The following CCDC149 variants were observed in gnomAD, a reference collection of about 807,000 sequenced individuals.
The protein encoded by CCDC149 is coiled-coil domain containing 149.
A neutral mutation model predicts 59.9 loss-of-function variants in CCDC149; 45 were observed. The ratio of observed to expected loss-of-function variants is 0.75; its 90% confidence interval spans 0.59 to 0.96. The LOEUF (loss-of-function observed/expected upper bound fraction) is 0.96, where lower values mean the gene tolerates loss of function less well. Among genes scored for constraint, CCDC149 ranks in the 40% least tolerant of loss-of-function variants. The pLI is 0.00. For missense variants in CCDC149, 584 were observed against 664.7 expected, an observed-to-expected ratio of 0.88 and a Z score of 1.33; for synonymous variants, 245 against 260.6, an observed-to-expected ratio of 0.94 and a Z score of 0.58.
rs570224316 is a variant in CCDC149, at chr4:24,875,287, G to A, written c.225+1249C>T. 8.0e-5 allele frequency among the ~76,000 whole-genome samples: 12 copies of A among 150,722 alleles called. No individual in the cohort carries two copies. In the East Asian group the frequency reaches 1.6e-3, roughly 20 times the overall value. On this transcript the variant is annotated intron_variant, in intron 2 of 12. Transcript: ENST00000635206. ...GGAGCTTGCAGTGAGCCAAGATCCC[G>A]CCACTGCACTCCAGCCTGGGCCACA...
At chr4:24,972,970 G>A (rs895010223) in intron 1 of CCDC149, among the ~76,000 whole-genome samples, 1 of 152,060 alleles carries the variant, frequency 6.6e-6, no homozygotes, top group Admixed American at 6.5e-5. Context: ...TGCCTGTAAG[G>A]GTGGGCACCC....
chr4:24,857,458 T>C (rs1456606996), intron 3 of CCDC149, among the ~76,000 whole-genome samples: 2 of 152,218 alleles, frequency 1.3e-5, no homozygotes, highest in Non-Finnish European at 2.9e-5. Context: ...GTATGTATCT[T>C]GTCATGGACC....
chr4:24,907,606 C>G (rs927786087), intron 1 of CCDC149, among the ~76,000 whole-genome samples: 1 of 152,134 alleles, frequency 6.6e-6, no homozygotes, highest in Non-Finnish European at 1.5e-5. Flanking sequence ...TAGACTAAAG[C>G]CAGGCAGCAA....
chr4:24,912,716 C>T (rs1569052), intron 1 of CCDC149, 101 bp downstream of exon 1: 20,805 of 818,020 alleles, frequency 0.025, 428 homozygotes, highest in South Asian at 0.098. Context: ...AGTGCGCGCC[C>T]CCCTCTCGTC....
chr4:24,874,595 A>G (rs180765781), intron 2 of CCDC149, among the ~76,000 whole-genome samples: 1 of 151,974 alleles, frequency 6.6e-6, no homozygotes, highest in Non-Finnish European at 1.5e-5. Flanking sequence ...CACACACACA[A>G]AAAAAGGATC....
At chr4:24,928,737 C>A (rs531029779) in intron 1 of CCDC149, among the ~76,000 whole-genome samples, 1 of 152,056 alleles carries the variant, frequency 6.6e-6, no homozygotes, top group South Asian at 2.1e-4. Context: ...GTTACAGCAA[C>A]CCTAGGAAAC....
At chr4:24,830,942 G>A (rs1448255638) in intron 9 of CCDC149, 1 of 152,488 alleles carries the variant, frequency 6.6e-6, no homozygotes, top group Non-Finnish European at 1.5e-5. Flanking sequence ...CATCTCTAAT[G>A]GCTACGTTAA....
At chr4:24,968,563 A>G (rs1039599151) in intron 1 of CCDC149, among the ~76,000 whole-genome samples, 2 of 152,196 alleles carry the variant, frequency 1.3e-5, no homozygotes, top group Non-Finnish European at 2.9e-5. Context: ...GCACCCCTAG[A>G]CCCTGAGCCT....
rs544991131 is a variant in CCDC149, at chr4:24,890,098, C to G, written c.64-13401G>C. Among the ~76,000 whole-genome samples, 8 of 152,292 alleles carry G rather than the reference C, an allele frequency of 5.3e-5. No homozygotes were observed. The East Asian group carries it at 1.4e-3, about 26-fold the overall frequency. ...CATCATTAATAGAAGCAATGCGGCACCTGGGCTTTAGAGTGACATGATGTG... is the reference window on the plus strand; with the variant it reads ...CATCATTAATAGAAGCAATGCGGCAGCTGGGCTTTAGAGTGACATGATGTG... On this transcript the variant is annotated intron_variant, in intron 1 of 12. Coordinates refer to ENST00000635206, the MANE Select transcript of CCDC149 (RefSeq NM_001330643.2).
At chr4:24,809,587 C>G (rs578194953) in intron 12 of CCDC149, among the ~76,000 whole-genome samples, 1 of 150,564 alleles carries the variant, frequency 6.6e-6, no homozygotes, top group African/African-American at 2.5e-5. Flanking sequence ...AGCAGCATGG[C>G]GGAGCCAGCT....
Position 24,905,420 on chromosome 4 carries a change from T to C in CCDC149, c.63+7397A>G, listed in dbSNP as rs866778057. ...CTTTCTTTTTGCGTGCGTGCGTGTG[T>C]GTGTGTGTGTGTGTGTGTGTGTGTG... On this transcript the variant is annotated intron_variant, in intron 1 of 12. Transcript: ENST00000635206. Among the ~76,000 whole-genome samples, 268 of 110,266 alleles carry C rather than the reference T, an allele frequency of 2.4e-3. 2 individuals carry two copies. Among genetic ancestry groups the C allele is most frequent in the Non-Finnish European group, 2.8e-3 (159 of 56,200 alleles). The allele number at this position is 110,266 out of a possible 152,430, so 72.3% of individuals were successfully genotyped here. A position where few individuals can be genotyped will look rare whatever the true frequency, so the allele number is the denominator to read the frequency against.
Position 24,808,181 on chromosome 4 carries a change from C to G in CCDC149, c.*208G>C, listed in dbSNP as rs1387509688. 7.4e-6 allele frequency: 3 copies of G among 406,634 alleles called. No homozygotes were observed. The highest frequency in any genetic ancestry group is 1.3e-5 in the Non-Finnish European group (3 of 233,210). The allele number at this position is 406,634 out of a possible 1,614,324, so 25.2% of individuals were successfully genotyped here. The stretch of plus-strand genomic sequence containing the variant: ...ACTCTCTGGCAGAAAAGAGATGACA[C>G]TGAGAAGCTTGAGGACCTACATTTA... On this transcript the variant is annotated 3_prime_UTR_variant, in exon 13 of 13. Transcript: ENST00000635206.
intron 10 of CCDC149, 42 bp downstream of exon 10, chr4:24,822,455 A>G (rs778719287): frequency 2.2e-5 from 13 of 579,516 alleles, no homozygotes; most frequent in African/African-American, 9.2e-5. Context: ...TAAAAAAAAG[A>G]AAAAAAAAAA....
rs1577393652 is a variant in CCDC149, at chr4:24,834,841, T to C, written c.820+107A>G. The C allele has an allele frequency of 8.5e-6, 6 of 705,770 alleles. No individual in the cohort carries two copies. The East Asian group carries it at 1.6e-4, about 19-fold the overall frequency. The allele number at this position is 705,770 out of a possible 1,614,324, so 43.7% of individuals were successfully genotyped here. On this transcript the variant is annotated intron_variant, in intron 8 of 12. Transcript: ENST00000635206. ...AGTCGGGGAGCCACTGTTCTATGGA[T>C]CGCCTCAGTTCCCAGACCACAAAAG...
intron 7 of CCDC149, 143 bp downstream of exon 7, chr4:24,836,293 C>T (rs775797520): frequency 4.6e-6 from 3 of 654,402 alleles, no homozygotes; most frequent in Non-Finnish European, 8.2e-6. Context: ...GTACTGGTTA[C>T]CCCAGTTAAA....
rs147729127 is a variant in CCDC149, at chr4:24,890,360, GA to G, written c.64-13664del. ...AAACTAAGGCTCTAAGAGTTTTTTGGAAAAAAAAATTATGAAGCTTGTAAGA... is the reference window on the plus strand; with the variant it reads ...AAACTAAGGCTCTAAGAGTTTTTTGGAAAAAAAATTATGAAGCTTGTAAGA... On this transcript the variant is annotated intron_variant, in intron 1 of 12. Coordinates refer to ENST00000635206, the MANE Select transcript of CCDC149 (RefSeq NM_001330643.2). Among the ~76,000 whole-genome samples, 91 of 151,010 alleles carry G rather than the reference GA, an allele frequency of 6.0e-4. 1 individual carries two copies. In the South Asian group the frequency reaches 6.3e-3, roughly 10 times the overall value.
chr4:24,859,983 A>G (rs1379309383), intron 3 of CCDC149, among the ~76,000 whole-genome samples: 1 of 152,220 alleles, frequency 6.6e-6, no homozygotes, highest in Non-Finnish European at 1.5e-5. Flanking sequence ...GCTTTTAGAT[A>G]GGTAGAATCA....
At chr4:24,842,121 A>T (rs939611710) in intron 4 of CCDC149, among the ~76,000 whole-genome samples, 2 of 152,234 alleles carry the variant, frequency 1.3e-5, no homozygotes, top group Non-Finnish European at 2.9e-5. Context: ...TTCTGGCTAC[A>T]TACAAGTTTC....
chr4:24,916,899 C>A (rs1040950170), upstream of CCDC149, among the ~76,000 whole-genome samples: 1 of 151,452 alleles, frequency 6.6e-6, no homozygotes, highest in Admixed American at 6.6e-5. Context: ...GCCCCTATAG[C>A]CTGGCTGCTA....
Sources: allele counts gnomAD v4.1 joint callset (sites outside exome capture counted in the v4.1 genomes callset), GRCh38; gene constraint gnomAD v4.1.1; transcripts MANE v1.5; gene names NCBI Gene and HGNC (gene_info 2026-07-23, HGNC 2026-07-21).